The following EXOC4 variants were observed in gnomAD, a reference collection of about 807,000 sequenced individuals.
The protein encoded by EXOC4 is exocyst complex component 4.
In EXOC4, 71 loss-of-function variants were observed where a neutral mutation model predicts 107.2. The ratio of observed to expected loss-of-function variants is 0.66; its 90% confidence interval spans 0.55 to 0.81. The LOEUF is 0.81. Ranked by LOEUF, EXOC4 falls within the 30% of genes least tolerant of loss-of-function variation. The pLI is 0.00. For missense variants in EXOC4, 1,108 were observed against 1,189.6 expected, an observed-to-expected ratio of 0.93 and a Z score of 1.01; for synonymous variants, 456 against 441.2, an observed-to-expected ratio of 1.03 and a Z score of -0.42.
intron 9 of EXOC4, among the ~76,000 whole-genome samples, chr7:133,561,492 C>T (rs1478795724): frequency 1.3e-5 from 2 of 152,144 alleles, no homozygotes; most frequent in Non-Finnish European, 2.9e-5. Flanking sequence ...CCCGAAAAAT[C>T]ATTTATAGTG....
intron 7 of EXOC4, among the ~76,000 whole-genome samples, chr7:133,390,153 A>T (rs1301025577): frequency 6.6e-6 from 1 of 152,114 alleles, no homozygotes; most frequent in Non-Finnish European, 1.5e-5. Context: ...AAATTTAGGG[A>T]TTCTCTGTCT....
chr7:133,255,883 A>G (rs775813610), intron 1 of EXOC4, among the ~76,000 whole-genome samples: 2 of 152,134 alleles, frequency 1.3e-5, no homozygotes, highest in Non-Finnish European at 2.9e-5. Context: ...GTTTCTTGTT[A>G]GTAAATTGTG....
At chr7:133,881,333 T>C (rs1798963388) in intron 11 of EXOC4, among the ~76,000 whole-genome samples, 2 of 129,752 alleles carry the variant, frequency 1.5e-5, no homozygotes, top group Admixed American at 1.9e-4. Context: ...GTTCCCTGAA[T>C]CCCATGCTGT....
At chr7:133,405,655 G>C (rs1299761926) in intron 7 of EXOC4, among the ~76,000 whole-genome samples, 5 of 152,060 alleles carry the variant, frequency 3.3e-5, no homozygotes, top group Admixed American at 2.6e-4. Context: ...ACTGCAGATT[G>C]TACCAAACCT....
At chr7:134,048,244 G>T (rs1439000958) in intron 17 of EXOC4, among the ~76,000 whole-genome samples, 1 of 152,186 alleles carries the variant, frequency 6.6e-6, no homozygotes, top group Non-Finnish European at 1.5e-5. Flanking sequence ...GGGAGGTTCA[G>T]AATTTTACAG....
At chr7:134,093,929 A>G in the EXOC4 span, among the ~76,000 whole-genome samples, 1 of 152,246 alleles carries the variant, frequency 6.6e-6, no homozygotes, top group Non-Finnish European at 1.5e-5. Flanking sequence ...AGCAGTGTTA[A>G]GAGGAAAGTT....
At chr7:133,833,717 C>G (rs1797859217) in intron 11 of EXOC4, among the ~76,000 whole-genome samples, 1 of 152,160 alleles carries the variant, frequency 6.6e-6, no homozygotes, top group African/African-American at 2.4e-5. Context: ...CATGTGCTAC[C>G]ACACCCACCT....
intron 10 of EXOC4, among the ~76,000 whole-genome samples, chr7:133,709,593 G>A (rs1392137812): frequency 6.7e-6 from 1 of 149,984 alleles, no homozygotes; most frequent in African/African-American, 2.5e-5. Flanking sequence ...AGTGAGTTTA[G>A]CATTGTTTTA....
Position 133,787,963 on chromosome 7 carries a change from TTA to T in EXOC4, c.1515-29314_1515-29313del, listed in dbSNP as rs1163259405. Among the ~76,000 whole-genome samples the T allele has an allele frequency of 8.2e-3, 335 of 40,866 alleles. 6 individuals carry two copies. Among genetic ancestry groups the T allele is most frequent in the East Asian group, 0.016 (10 of 620 alleles). The allele number at this position is 40,866 out of a possible 152,430, so 26.8% of individuals were successfully genotyped here. A position where few individuals can be genotyped will look rare whatever the true frequency, so the allele number is the denominator to read the frequency against. On this transcript the variant is annotated intron_variant, in intron 10 of 17. Coordinates refer to ENST00000253861, the MANE Select transcript of EXOC4 (RefSeq NM_021807.4). The stretch of plus-strand genomic sequence containing the variant: ...CTTCCCTGTGCATATATTTATATAT[TTA>T]TATATATATATATATATATATATAT...
intron 2 of EXOC4, among the ~76,000 whole-genome samples, chr7:133,282,288 G>A (rs1794175222): frequency 6.6e-6 from 1 of 152,112 alleles, no homozygotes; most frequent in African/African-American, 2.4e-5. Flanking sequence ...TCTAGTTAGG[G>A]TGACTTGCAG....
chr7:133,669,670 T>G (rs939010694), intron 10 of EXOC4, among the ~76,000 whole-genome samples: 2 of 152,194 alleles, frequency 1.3e-5, no homozygotes, highest in African/African-American at 2.4e-5. Context: ...GATAGAAATT[T>G]ATAGTGAAAT....
At chr7:133,902,279 G>A (rs1461536620) in intron 12 of EXOC4, among the ~76,000 whole-genome samples, 5 of 151,822 alleles carry the variant, frequency 3.3e-5, no homozygotes, top group African/African-American at 7.3e-5. Flanking sequence ...GAATTATTTC[G>A]GCATCACAAG....
At chr7:133,756,827 G>A (rs973152180) in intron 10 of EXOC4, among the ~76,000 whole-genome samples, 3 of 152,108 alleles carry the variant, frequency 2.0e-5, no homozygotes, top group Non-Finnish European at 4.4e-5. Flanking sequence ...ACATTGCAAG[G>A]TTACATAAAA....
intron 7 of EXOC4, among the ~76,000 whole-genome samples, chr7:133,437,805 G>C (rs1798010053): frequency 6.6e-6 from 1 of 152,110 alleles, no homozygotes; most frequent in African/African-American, 2.4e-5. Flanking sequence ...TTTTTGCAAA[G>C]TCTTCCTTCT....
intron 10 of EXOC4, among the ~76,000 whole-genome samples, chr7:133,748,115 CTGCTGGTGTAT>C (rs1299657264): frequency 1.3e-5 from 2 of 152,156 alleles, no homozygotes; most frequent in East Asian, 3.9e-4. Context: ...GATCTAAGAG[CTGCTGGTGTAT>C]TATGACCAGA....
intron 7 of EXOC4, among the ~76,000 whole-genome samples, chr7:133,388,103 G>T (rs1346747417): frequency 1.3e-5 from 2 of 152,016 alleles, no homozygotes; most frequent in African/African-American, 4.8e-5. Context: ...CACGGGCTGC[G>T]ATTATATTTT....
chr7:133,830,963 T>G (rs1353140607), intron 11 of EXOC4, among the ~76,000 whole-genome samples: 1 of 140,484 alleles, frequency 7.1e-6, no homozygotes, highest in African/African-American at 3.3e-5. Context: ...TGACAGTTTT[T>G]TTGTTTGTTT....
intron 10 of EXOC4, among the ~76,000 whole-genome samples, chr7:133,726,204 G>A (rs893877070): frequency 3.9e-5 from 6 of 152,144 alleles, no homozygotes; most frequent in African/African-American, 1.4e-4. Flanking sequence ...AAAGGTCTGA[G>A]GACTAATCCT....
chr7:133,915,156 A>G (rs797009715), intron 12 of EXOC4, among the ~76,000 whole-genome samples: 50 of 152,350 alleles, frequency 3.3e-4, no homozygotes, highest in South Asian at 8.3e-4. Context: ...AGTGAAGTCA[A>G]TTAGTGCAGG....
Sources: gnomAD v4.1 joint callset for allele counts (sites outside exome capture counted in the v4.1 genomes callset) on GRCh38, gnomAD v4.1.1 for gene constraint, MANE v1.5 for transcripts, NCBI Gene and HGNC (gene_info 2026-07-23, HGNC 2026-07-21) for gene names.